The following MICU1 variants were observed in gnomAD, a reference collection of about 807,000 sequenced individuals.
MICU1 encodes mitochondrial calcium uptake 1, also known as calcium uptake protein 1, mitochondrial.
A neutral mutation model predicts 56.8 loss-of-function variants in MICU1; 45 were observed. The ratio of observed to expected loss-of-function variants is 0.79; its 90% confidence interval spans 0.62 to 1.02. MICU1 has a LOEUF of 1.02. Ranked by LOEUF, MICU1 falls within the 50% of genes least tolerant of loss-of-function variation. The pLI is 0.00. For synonymous variants in MICU1, 186 were observed against 195.1 expected, an observed-to-expected ratio of 0.95 and a Z score of 0.39; for missense variants, 504 against 587.1, an observed-to-expected ratio of 0.86 and a Z score of 1.46.
chr10:72,589,116 C>T (rs546585361), intron 1 of MICU1, among the ~76,000 whole-genome samples: 14 of 152,058 alleles, frequency 9.2e-5, no homozygotes, highest in African/African-American at 2.9e-4. Context: ...GGTAAAACCC[C>T]GTCTCTACTA....
chr10:72,529,946 C>CTTTTTTTTTT (rs11338457), intron 5 of MICU1, among the ~76,000 whole-genome samples: 2 of 100,800 alleles, frequency 2.0e-5, no homozygotes, highest in Admixed American at 1.2e-4. Context: ...GGGGAAGGTG[C>CTTTTTTTTTT]TTTTTTTTTT....
intron 9 of MICU1, 97 bp from the exon 10 acceptor site, chr10:72,408,134 T>C: frequency 1.4e-6 from 1 of 703,882 alleles, no homozygotes; most frequent in South Asian, 1.8e-5. Context: ...CAGAAATTCA[T>C]GCTCATGTCT....
chr10:72,497,079 A>C (rs1360927468), intron 6 of MICU1, among the ~76,000 whole-genome samples: 1 of 149,236 alleles, frequency 6.7e-6, no homozygotes, highest in Non-Finnish European at 1.5e-5. Context: ...TTTTTTTTTG[A>C]GATGGAGTCT....
intron 4 of MICU1, among the ~76,000 whole-genome samples, chr10:72,538,115 C>T (rs1839681633): frequency 6.6e-6 from 1 of 151,988 alleles, no homozygotes; most frequent in Non-Finnish European, 1.5e-5. Flanking sequence ...CACAGTATTA[C>T]AATAATCAGA....
rs67070756 is a variant in MICU1 at position 72,489,290 on chromosome 10, T to TCACACACA, written c.653-12042_653-12035dup. Among the ~76,000 whole-genome samples, 64 of 141,646 alleles carry TCACACACA rather than the reference T, an allele frequency of 4.5e-4. 1 individual carries two copies. Among genetic ancestry groups the TCACACACA allele is most frequent in the South Asian group, 1.2e-3 (5 of 4,308 alleles). The allele number at this position is 141,646 out of a possible 152,430, so 92.9% of individuals were successfully genotyped here. A position where few individuals can be genotyped will look rare whatever the true frequency, so the allele number is the denominator to read the frequency against. On this transcript the variant is annotated intron_variant, in intron 6 of 11. Coordinates refer to ENST00000361114, the MANE Select transcript of MICU1 (RefSeq NM_001195518.2). Reference sequence around the variant, plus strand: ...GCCTGGGTGACAGAGCGAGACTCTGTCACACACACACACACACACACACAC... The same window carrying TCACACACA: ...GCCTGGGTGACAGAGCGAGACTCTGTCACACACACACACACACACACACACACACACAC...
rs1840404533 is a variant in MICU1, at chr10:72,565,374, C to T, written c.161+1259G>A. Among the ~76,000 whole-genome samples the T allele has an allele frequency of 2.6e-5, 4 of 151,150 alleles. No individual in the cohort carries two copies. The Middle Eastern group carries it at 0.014, about 514-fold the overall frequency. On this transcript the variant is annotated intron_variant, in intron 2 of 11. Coordinates refer to ENST00000361114, the MANE Select transcript of MICU1 (RefSeq NM_001195518.2). ...TGAAGCTGGAAACCATCATTCTCAGCAAACTATCGCAAGGACAAAAAACCA... is the reference window on the plus strand; with the variant it reads ...TGAAGCTGGAAACCATCATTCTCAGTAAACTATCGCAAGGACAAAAAACCA...
intron 1 of MICU1, among the ~76,000 whole-genome samples, chr10:72,606,130 CAA>C (rs11317547): frequency 1.2e-3 from 146 of 124,108 alleles, no homozygotes; most frequent in African/African-American, 1.0e-3. Flanking sequence ...GACTCCATCT[CAA>C]AAAAAAAAAA....
intron 8 of MICU1, among the ~76,000 whole-genome samples, chr10:72,432,955 GT>G (rs1037657064): frequency 6.6e-5 from 10 of 152,108 alleles, no homozygotes; most frequent in African/African-American, 2.2e-4. Flanking sequence ...CTTCCTTTAT[GT>G]TTTTTTTGAG....
chr10:72,454,346 C>T (rs184835362), intron 8 of MICU1, among the ~76,000 whole-genome samples: 4,163 of 151,664 alleles, frequency 0.027, 183 homozygotes, highest in African/African-American at 0.096. Context: ...CCCAGCTACT[C>T]GGGAGGCTGA....
At chr10:72,440,426 G>C (rs1257049308) in intron 8 of MICU1, among the ~76,000 whole-genome samples, 1 of 152,122 alleles carries the variant, frequency 6.6e-6, no homozygotes, top group East Asian at 1.9e-4. Context: ...TTAAATGTTA[G>C]ACCTAAAACC....
intron 8 of MICU1, among the ~76,000 whole-genome samples, chr10:72,456,083 G>C (rs575895016): frequency 9.8e-5 from 15 of 152,306 alleles, no homozygotes; most frequent in African/African-American, 1.9e-4. Context: ...TGAATCATGT[G>C]GGGGAGGACT....
At chr10:72,502,295 C>T (rs1234260769) in intron 6 of MICU1, among the ~76,000 whole-genome samples, 1 of 151,958 alleles carries the variant, frequency 6.6e-6, no homozygotes, top group African/African-American at 2.4e-5. Flanking sequence ...GCTGGGACTA[C>T]AGGTATGTAC....
intron 6 of MICU1, among the ~76,000 whole-genome samples, chr10:72,480,452 T>C (rs893478677): frequency 6.6e-6 from 1 of 152,206 alleles, no homozygotes; most frequent in Non-Finnish European, 1.5e-5. Flanking sequence ...CTGGGATTTA[T>C]GGGCATACAA....
chr10:72,623,133 G>A (rs1016737568), intron 1 of MICU1, among the ~76,000 whole-genome samples: 3 of 151,594 alleles, frequency 2.0e-5, no homozygotes, highest in African/African-American at 7.3e-5. Flanking sequence ...GCCGGGCGTG[G>A]TGGCGCACGC....
At chr10:72,427,684 G>A (rs1187848678) in intron 8 of MICU1, among the ~76,000 whole-genome samples, 1 of 150,604 alleles carries the variant, frequency 6.6e-6, no homozygotes, top group African/African-American at 2.4e-5. Context: ...TGGATCGCTT[G>A]AGCCCAGGAG....
chr10:72,533,825 T>C lies in MICU1; in HGVS notation c.494-36A>G, dbSNP rs1461742271. 2.1e-6 allele frequency: 3 copies of C among 1,448,008 alleles called. No individual in the cohort carries two copies. In the South Asian group the frequency reaches 3.8e-5, roughly 18 times the overall value. The allele number at this position is 1,448,008 out of a possible 1,614,324, so 89.7% of individuals were successfully genotyped here. ...AAAGGAAAAAACATTTAGCTACTGA[T>C]AATAACTCAAGTGAAATTTATAAAA... On this transcript the variant is annotated intron_variant, in intron 4 of 11. Coordinates refer to ENST00000361114, the MANE Select transcript of MICU1 (RefSeq NM_001195518.2).
chr10:72,464,396 A>T (rs1865729419), intron 8 of MICU1, among the ~76,000 whole-genome samples: 1 of 151,944 alleles, frequency 6.6e-6, no homozygotes, highest in African/African-American at 2.4e-5. Flanking sequence ...ACACATACGT[A>T]TACACATTAG....
intron 6 of MICU1, among the ~76,000 whole-genome samples, chr10:72,492,163 A>ATAGGCCTTGTAGGCCAAAG (rs974035163): frequency 3.3e-5 from 5 of 152,172 alleles, no homozygotes; most frequent in Admixed American, 1.3e-4. Context: ...GCCACTGTAA[A>ATAGGCCTTGTAGGCCAAAG]TAAAGACTTT....
At chr10:72,378,773 C>T (rs1183306381) in intron 10 of MICU1, among the ~76,000 whole-genome samples, 1 of 152,124 alleles carries the variant, frequency 6.6e-6, no homozygotes, top group Non-Finnish European at 1.5e-5. Context: ...CTGTGTGACC[C>T]GGATGGAGTC....
Sources: gnomAD v4.1 joint callset for allele counts (sites outside exome capture counted in the v4.1 genomes callset) on GRCh38, gnomAD v4.1.1 for gene constraint, MANE v1.5 for transcripts, NCBI Gene and HGNC (gene_info 2026-07-23, HGNC 2026-07-21) for gene names.